CTBP2: variants seen among roughly 807,000 people sequenced by gnomAD.
CTBP2 encodes C-terminal binding protein 2.
In CTBP2, 30 loss-of-function variants were observed where a neutral mutation model predicts 80.3. That is an observed-to-expected ratio of 0.37 (90% CI 0.28 to 0.51). The LOEUF (loss-of-function observed/expected upper bound fraction) is 0.51. Ranked by LOEUF, CTBP2 falls within the 20% of genes least tolerant of loss-of-function variation. The pLI is 0.93. For missense variants in CTBP2, 1,212 were observed against 1,375.3 expected (o/e 0.88, Z 1.88); for synonymous variants, 594 against 587.4 (o/e 1.01, Z -0.16).
At chr10:125,030,856 G>T (rs1480194230), upstream of CTBP2, among the ~76,000 whole-genome samples, 1 of 152,118 alleles carries the variant, frequency 6.6e-6, no homozygotes, top group Non-Finnish European at 1.5e-5. Context: ...CCCCAGGGGG[G>T]TCCTGCACCT....
chr10:125,114,343 T>C (rs1482474904), intron 1 of CTBP2, among the ~76,000 whole-genome samples: 1 of 152,136 alleles, frequency 6.6e-6, no homozygotes, highest in Non-Finnish European at 1.5e-5. Flanking sequence ...AAATGTGATC[T>C]GCCTACAGCT....
At chr10:125,046,890 G>A (rs1961393921) in intron 2 of CTBP2, among the ~76,000 whole-genome samples, 1 of 152,218 alleles carries the variant, frequency 6.6e-6, no homozygotes, top group South Asian at 2.1e-4. Context: ...ATTTCCTCGT[G>A]TTAAATGCAA....
intron 1 of CTBP2, among the ~76,000 whole-genome samples, chr10:125,152,359 A>G (rs1693658): frequency 0.72 from 110,229 of 152,128 alleles, 40,861 homozygotes; most frequent in African/African-American, 0.84. Context: ...GGTGTGGCGG[A>G]CTGGCGCTCC....
At chr10:125,019,410 G>C (rs1271139502) in intron 1 of CTBP2, among the ~76,000 whole-genome samples, 1 of 151,932 alleles carries the variant, frequency 6.6e-6, no homozygotes, top group African/African-American at 2.4e-5. Flanking sequence ...TGTTCTTGGG[G>C]GTAAATAAAT....
chr10:125,039,088 G>A, exon 3 of CTBP2: 1 of 1,601,854 alleles, frequency 6.2e-7, no homozygotes, highest in South Asian at 1.1e-5. Flanking sequence ...CAGATCAAAA[G>A]GCAAAGCAGT....
At chr10:125,034,245 G>A (rs876147) in intron 3 of CTBP2, among the ~76,000 whole-genome samples, 14,716 of 152,262 alleles carry the variant, frequency 0.097, 798 homozygotes, top group South Asian at 0.2. Context: ...GGAGGAACAG[G>A]TGGGGTGAGG....
At position 124,986,279 on chromosome 10, in the gene CTBP2, ACGCGCGCG is replaced by A. The variant is rs72416239; in HGVS notation, c.*3231_*3238del. On this transcript the variant is annotated 3_prime_UTR_variant, in exon 9 of 9. Transcript: ENST00000309035. ...AGGAATTTGGAAAGACGACACACGC[ACGCGCGCG>A]CGCGCACACACACACACACACACAC... The A allele has an allele frequency of 0.025, 2,836 of 112,228 alleles. 34 individuals are homozygous for A. The highest frequency in any genetic ancestry group is 0.045 in the Middle Eastern group (10 of 222). The allele number at this position is 112,228 out of a possible 1,614,324, so 7.0% of individuals were successfully genotyped here.
chr10:125,104,524 G>A (rs1851158707), intron 2 of CTBP2, among the ~76,000 whole-genome samples: 1 of 152,144 alleles, frequency 6.6e-6, no homozygotes, highest in South Asian at 2.1e-4. Flanking sequence ...CACTGTTCGG[G>A]CTGCTTCTCA....
intron 2 of CTBP2, among the ~76,000 whole-genome samples, chr10:125,092,947 C>T (rs1288694495): frequency 1.3e-5 from 2 of 152,078 alleles, no homozygotes; most frequent in African/African-American, 2.4e-5. Context: ...CTGAGTTTAA[C>T]GGTGGCCCAT....
chr10:125,024,578 T>C (rs1957360904), intron 1 of CTBP2, among the ~76,000 whole-genome samples: 1 of 152,220 alleles, frequency 6.6e-6, no homozygotes, highest in African/African-American at 2.4e-5. Flanking sequence ...CGGCAAAACC[T>C]TTCCACGACT....
intron 1 of CTBP2, among the ~76,000 whole-genome samples, chr10:125,139,034 T>A (rs530099507): frequency 6.6e-6 from 1 of 152,126 alleles, no homozygotes; most frequent in South Asian, 2.1e-4. Context: ...ACCAAATACA[T>A]CTCCATCTTC....
At chr10:125,065,551 T>C (rs1424091886) in intron 2 of CTBP2, among the ~76,000 whole-genome samples, 2 of 152,054 alleles carry the variant, frequency 1.3e-5, no homozygotes, top group African/African-American at 4.8e-5. Context: ...CAAGTCCACA[T>C]CCTGCGCAGT....
At chr10:125,142,079 G>A (rs1031219312) in intron 1 of CTBP2, among the ~76,000 whole-genome samples, 8 of 152,216 alleles carry the variant, frequency 5.3e-5, no homozygotes, top group African/African-American at 1.9e-4. Flanking sequence ...AGATGCACCA[G>A]GGCCTGCAGG....
chr10:124,993,411 C>A (rs924866535), intron 6 of CTBP2, 82 bp from the exon 9 acceptor site: 21 of 1,470,686 alleles, frequency 1.4e-5, no homozygotes, highest in Non-Finnish European at 1.7e-5. Context: ...GAGCTCTTGG[C>A]CATGTAGAAA....
At chr10:125,093,217 T>C (rs78394728) in intron 2 of CTBP2, among the ~76,000 whole-genome samples, 3,013 of 152,290 alleles carry the variant, frequency 0.02, 106 homozygotes, top group African/African-American at 0.068. Flanking sequence ...ACTCAGTGTT[T>C]TGGAAAGTTA....
chr10:125,091,034 T>A (rs954007660), intron 2 of CTBP2, among the ~76,000 whole-genome samples: 3 of 152,214 alleles, frequency 2.0e-5, no homozygotes, highest in African/African-American at 7.2e-5. Context: ...CCCAGGCAGC[T>A]GGATGCTAGC....
chr10:125,005,956 G>A (rs1590018879), intron 1 of CTBP2: 5 of 1,486,994 alleles, frequency 3.4e-6, no homozygotes, highest in East Asian at 2.3e-5. Flanking sequence ...CACGCTGGGC[G>A]CAAGGTGGGA....
At chr10:125,129,356 G>T (rs889161721) in intron 1 of CTBP2, among the ~76,000 whole-genome samples, 4 of 151,994 alleles carry the variant, frequency 2.6e-5, no homozygotes, top group African/African-American at 9.7e-5. Flanking sequence ...CACACTTAAG[G>T]TCATGCATTT....
intron 2 of CTBP2, among the ~76,000 whole-genome samples, chr10:125,083,804 C>T (rs927257313): frequency 1.3e-5 from 2 of 152,020 alleles, no homozygotes; most frequent in Admixed American, 6.5e-5. Context: ...TTTTTTGAGA[C>T]GGAGTCTTGC....
Sources: allele counts gnomAD v4.1 joint callset (sites outside exome capture counted in the v4.1 genomes callset), GRCh38; gene constraint gnomAD v4.1.1; transcripts MANE v1.5; gene names NCBI Gene and HGNC (gene_info 2026-07-23, HGNC 2026-07-21).